The following ZRANB1 variants were observed in gnomAD, a reference collection of about 807,000 sequenced individuals.
ZRANB1 encodes ubiquitin thioesterase ZRANB1.
In ZRANB1, 16 loss-of-function variants were observed where a neutral mutation model predicts 80.5. That is an observed-to-expected ratio of 0.20 (90% CI 0.13 to 0.30). The LOEUF is 0.30. Ranked by LOEUF, ZRANB1 falls within the 10% of genes least tolerant of loss-of-function variation. The pLI is 1.00. For synonymous variants in ZRANB1, 291 were observed against 293.1 expected, an observed-to-expected ratio of 0.99 and a Z score of 0.07; for missense variants, 576 against 862.6, an observed-to-expected ratio of 0.67 and a Z score of 4.16.
chr10:124,979,154 A>G (rs529066435), intron 5 of ZRANB1, among the ~76,000 whole-genome samples: 2 of 152,324 alleles, frequency 1.3e-5, no homozygotes, highest in South Asian at 4.1e-4. Flanking sequence ...TACATTGCTG[A>G]TAGCAACGAA....
At chr10:124,923,004 A>G in the ZRANB1 span, among the ~76,000 whole-genome samples, 2 of 152,070 alleles carry the variant, frequency 1.3e-5, no homozygotes, top group African/African-American at 2.4e-5. Flanking sequence ...ATAAAGAACT[A>G]TCAGCCGGGC....
chr10:124,922,322 ATATGTATATATATATT>A, the ZRANB1 span, among the ~76,000 whole-genome samples: 5 of 14,816 alleles, frequency 3.4e-4, no homozygotes, highest in South Asian at 3.8e-3. Context: ...TATGTAAAAT[ATATGTATATATATATT>A]TTTTTTTTAA....
At chr10:124,968,981 G>A (rs916240392) in intron 2 of ZRANB1, among the ~76,000 whole-genome samples, 3 of 152,174 alleles carry the variant, frequency 2.0e-5, no homozygotes, top group Non-Finnish European at 4.4e-5. Flanking sequence ...ATGTCATGAG[G>A]TTGCAGTCAA....
At chr10:124,928,426 A>G in the ZRANB1 span, among the ~76,000 whole-genome samples, 1 of 152,262 alleles carries the variant, frequency 6.6e-6, no homozygotes, top group East Asian at 1.9e-4. Context: ...CCCCTCCCCA[A>G]CTGTGCAACT....
At chr10:124,972,309 A>C (rs772073739) in intron 3 of ZRANB1, among the ~76,000 whole-genome samples, 191 bp downstream of exon 3, 4 of 152,230 alleles carry the variant, frequency 2.6e-5, no homozygotes, top group Non-Finnish European at 2.9e-5. Flanking sequence ...TGCGTCTGCT[A>C]TCTGAGAGGA....
At chr10:124,981,591 AATT>A (rs1364087418) in intron 5 of ZRANB1, 115 bp from the exon 6 acceptor site, 2 of 986,500 alleles carry the variant, frequency 2.0e-6, no homozygotes, top group Non-Finnish European at 2.8e-6. Flanking sequence ...GACAAAATAA[AATT>A]ATTAATTGTT....
intron 1 of ZRANB1, among the ~76,000 whole-genome samples, chr10:124,965,917 T>C (rs770210537): frequency 6.6e-6 from 1 of 152,200 alleles, no homozygotes; most frequent in Non-Finnish European, 1.5e-5. Context: ...ATATTTCTGT[T>C]TCCCCCCTAC....
chr10:124,972,975 G>A (rs769545257), intron 3 of ZRANB1, among the ~76,000 whole-genome samples: 47 of 151,722 alleles, frequency 3.1e-4, no homozygotes, highest in Non-Finnish European at 6.3e-4. Context: ...ATGGAGTCTC[G>A]CAGTATTACT....
chr10:124,961,582 A>G (rs1286042664), intron 1 of ZRANB1, among the ~76,000 whole-genome samples: 4 of 152,196 alleles, frequency 2.6e-5, no homozygotes, highest in East Asian at 3.9e-4. Flanking sequence ...GGGGACTTAT[A>G]TTTTCACAAG....
rs1951551158 is a variant in ZRANB1 at position 124,943,134 on chromosome 10, G to A, written c.641G>A (p.Arg214Lys). The change falls in exon 1 of 9, where the codon AGG becomes AAG. Residue 214 changes from arginine (R) to lysine (K), a missense_variant. By Grantham distance (26) the Arg-to-Lys change is conservative (BLOSUM62 2). Around this residue, in one of 3 missense-constraint regions of ZRANB1, gnomAD observed 411 missense variants for 583.1 expected, o/e 0.70. Coordinates refer to ENST00000359653, the MANE Select transcript of ZRANB1 (RefSeq NM_017580.3). ...AGTTGCAGTAGTGGTAATAGCCAAA[G>A]GAGATCACCTCCTGCTACGAAGCGG... is the stretch of plus-strand genomic sequence containing the variant. ...RGSCSSGNSQ[R>K]RSPPATKRDS... is the part of the protein sequence containing the mutation. 6.2e-7 allele frequency: 1 copy of A among 1,614,086 alleles called. No individual in the cohort carries two copies. Among genetic ancestry groups the A allele is most frequent in the African/African-American group, 1.3e-5 (1 of 74,928 alleles).
intron 5 of ZRANB1, among the ~76,000 whole-genome samples, chr10:124,976,329 A>G (rs1951876015): frequency 6.6e-6 from 1 of 151,978 alleles, no homozygotes; most frequent in African/African-American, 2.4e-5. Context: ...TTAGCTTCCT[A>G]CTGCTGATTT....
At chr10:124,977,963 C>T (rs1951894117) in intron 5 of ZRANB1, among the ~76,000 whole-genome samples, 2 of 152,134 alleles carry the variant, frequency 1.3e-5, no homozygotes, top group South Asian at 2.1e-4. Flanking sequence ...ATCACCTCCT[C>T]CAGTCCCTGC....
chr10:124,974,693 G>A (rs765513017), intron 5 of ZRANB1, among the ~76,000 whole-genome samples: 4 of 152,154 alleles, frequency 2.6e-5, no homozygotes, highest in Non-Finnish European at 5.9e-5. Flanking sequence ...TAAGACACAG[G>A]CAGTATATTT....
chr10:124,938,330 G>T (rs1293695312), upstream of ZRANB1, among the ~76,000 whole-genome samples: 1 of 151,690 alleles, frequency 6.6e-6, no homozygotes, highest in Non-Finnish European at 1.5e-5. Flanking sequence ...AATCTTCAAT[G>T]AATTTTTTCT....
chr10:124,918,020 C>T, the ZRANB1 span, among the ~76,000 whole-genome samples: 2 of 152,146 alleles, frequency 1.3e-5, no homozygotes, highest in Non-Finnish European at 2.9e-5. Flanking sequence ...TTTTGAAACT[C>T]TCTTGCTGAG....
chr10:124,964,747 T>C (rs113517595), intron 1 of ZRANB1, among the ~76,000 whole-genome samples: 23 of 152,324 alleles, frequency 1.5e-4, no homozygotes, highest in African/African-American at 5.5e-4. Flanking sequence ...AACTAAAGAC[T>C]ATAAAAGGTG....
intron 5 of ZRANB1, among the ~76,000 whole-genome samples, chr10:124,975,735 C>T (rs1951871497): frequency 6.6e-6 from 1 of 152,204 alleles, no homozygotes; most frequent in East Asian, 1.9e-4. Flanking sequence ...GGGTTTGTGG[C>T]TCATGCCTGC....
the ZRANB1 span, among the ~76,000 whole-genome samples, chr10:124,921,861 C>T: frequency 6.6e-6 from 1 of 151,702 alleles, no homozygotes; most frequent in Admixed American, 6.6e-5. Context: ...TTGGTTAATT[C>T]CATGAAGTTT....
In ZRANB1 at chr10:124,987,404, TAATA is replaced by T. The variant is rs1952080929; in HGVS notation, c.*2414_*2417del. On this transcript the variant is annotated 3_prime_UTR_variant, in exon 9 of 9. Coordinates refer to ENST00000359653, the MANE Select transcript of ZRANB1 (RefSeq NM_017580.3). ...AATTTTTGTTTGGGCGACCAAGATC[TAATA>T]ATTAAAACCCAGGTGGACCATGGAT... The T allele has an allele frequency of 1.3e-5, 2 of 152,072 alleles. No individual in the cohort carries two copies. The highest frequency in any genetic ancestry group is 4.8e-5 in the African/African-American group (2 of 41,418). The allele number at this position is 152,072 out of a possible 1,614,324, so 9.4% of individuals were successfully genotyped here.
Sources: gnomAD v4.1 joint callset for allele counts (sites outside exome capture counted in the v4.1 genomes callset) on GRCh38, gnomAD v4.1.1 for gene constraint, gnomAD v4.1.1 regional missense constraint, MANE v1.5 for transcripts, NCBI Gene and HGNC (gene_info 2026-07-23, HGNC 2026-07-21) for gene names.